LUZP2: variants seen among roughly 807,000 people sequenced by gnomAD.
LUZP2 encodes the protein leucine zipper protein 2.
A neutral mutation model predicts 51.6 loss-of-function variants in LUZP2; 52 were observed. The observed-to-expected ratio is 1.01, with a 90% CI of 0.81 to 1.27. The LOEUF is 1.27. Among genes scored for constraint, LUZP2 ranks in the 50% most tolerant of loss-of-function variants. LUZP2 has a pLI of 0.00. For missense variants in LUZP2, 436 were observed against 395.4 expected (o/e 1.10, Z -0.87); for synonymous variants, 154 against 137.3 (o/e 1.12, Z -0.85).
intron 1 of LUZP2, among the ~76,000 whole-genome samples, chr11:24,690,864 T>A (rs984502693): frequency 3.3e-5 from 5 of 152,046 alleles, no homozygotes; most frequent in Non-Finnish European, 1.5e-5. Flanking sequence ...GAAATAATTT[T>A]TGAAAGATAC....
chr11:24,857,382 T>C (rs1256826240), intron 5 of LUZP2, among the ~76,000 whole-genome samples: 2 of 150,256 alleles, frequency 1.3e-5, no homozygotes. Context: ...GTACTGAGTA[T>C]AGTGTATGAT....
intron 5 of LUZP2, among the ~76,000 whole-genome samples, chr11:24,864,275 G>A (rs1851822359): frequency 1.3e-5 from 2 of 151,862 alleles, no homozygotes; most frequent in African/African-American, 4.8e-5. Flanking sequence ...TTATTGACAT[G>A]GAACAATATT....
At chr11:24,597,423 C>A (rs1243498353) in intron 1 of LUZP2, among the ~76,000 whole-genome samples, 1 of 152,128 alleles carries the variant, frequency 6.6e-6, no homozygotes, top group Non-Finnish European at 1.5e-5. Context: ...TCGTAGTCAG[C>A]GTACAGCCTA....
intron 1 of LUZP2, among the ~76,000 whole-genome samples, chr11:24,537,023 C>T (rs968417808): frequency 2.0e-5 from 3 of 151,788 alleles, no homozygotes; most frequent in Non-Finnish European, 4.4e-5. Flanking sequence ...GTCGAGCAGT[C>T]AGAAACCCAC....
intron 5 of LUZP2, among the ~76,000 whole-genome samples, chr11:24,782,024 G>C (rs1286388739): frequency 1.3e-5 from 2 of 152,036 alleles, no homozygotes; most frequent in Non-Finnish European, 2.9e-5. Flanking sequence ...TGCTGAATGG[G>C]TAGGTGCTGA....
At chr11:24,527,538 T>C (rs531017154) in intron 1 of LUZP2, among the ~76,000 whole-genome samples, 1 of 146,932 alleles carries the variant, frequency 6.8e-6, no homozygotes, top group South Asian at 2.2e-4. Flanking sequence ...CTTTTAGTAT[T>C]GTTAAATAAG....
chr11:25,064,454 T>A (rs1040837038), intron 10 of LUZP2, among the ~76,000 whole-genome samples: 16 of 151,994 alleles, frequency 1.1e-4, no homozygotes, highest in Admixed American at 6.6e-5. Context: ...AACTTCTTTT[T>A]TTAACTATTC....
At chr11:24,505,399 A>G (rs1461529305) in intron 1 of LUZP2, among the ~76,000 whole-genome samples, 1 of 152,138 alleles carries the variant, frequency 6.6e-6, no homozygotes, top group Non-Finnish European at 1.5e-5. Context: ...TTGTTATATG[A>G]ATTTAGAAAT....
intron 9 of LUZP2, among the ~76,000 whole-genome samples, chr11:24,988,638 A>C (rs1856250576): frequency 6.6e-6 from 1 of 152,064 alleles, no homozygotes; most frequent in Non-Finnish European, 1.5e-5. Flanking sequence ...AGTGTTAAAG[A>C]AGACATGATT....
chr11:24,977,144 T>A (rs1855902306), intron 8 of LUZP2, among the ~76,000 whole-genome samples: 1 of 151,754 alleles, frequency 6.6e-6, no homozygotes, highest in African/African-American at 2.4e-5. Context: ...TTTATATTAA[T>A]AATAAATGGA....
chr11:24,744,438 A>T (rs1404860585), intron 4 of LUZP2, among the ~76,000 whole-genome samples: 3 of 151,980 alleles, frequency 2.0e-5, no homozygotes, highest in African/African-American at 7.2e-5. Flanking sequence ...TTAAGCTAGG[A>T]GGGTGGTATT....
chr11:24,869,453 T>C (rs548037060), intron 5 of LUZP2, among the ~76,000 whole-genome samples: 65 of 111,770 alleles, frequency 5.8e-4, no homozygotes, highest in Non-Finnish European at 1.0e-3. Context: ...TTTCCATCAT[T>C]ATTATTATTA....
chr11:24,949,363 G>C (rs1201395399), intron 7 of LUZP2, among the ~76,000 whole-genome samples: 1 of 149,982 alleles, frequency 6.7e-6, no homozygotes, highest in Non-Finnish European at 1.5e-5. Context: ...AAATGATTTA[G>C]ACCTAAATGA....
At chr11:24,582,548 T>C (rs1852904504) in intron 1 of LUZP2, among the ~76,000 whole-genome samples, 1 of 152,102 alleles carries the variant, frequency 6.6e-6, no homozygotes, top group African/African-American at 2.4e-5. Context: ...AAAAATGAAA[T>C]AACTTTTAAG....
rs562034201 is a variant in LUZP2, at chr11:24,953,914, C to A, written c.523-22677C>A. Among the ~76,000 whole-genome samples, 17 of 152,004 alleles carry A rather than the reference C, an allele frequency of 1.1e-4. No individual in the cohort carries two copies. The East Asian group carries it at 3.3e-3, about 29-fold the overall frequency. On this transcript the variant is annotated intron_variant, in intron 7 of 11. Coordinates refer to ENST00000336930, the MANE Select transcript of LUZP2 (RefSeq NM_001009909.4). Reference sequence around the variant, plus strand: ...GTAAATGGATAAATGACAACTATAACAAGTACAGATGGAAGTTAAACATTA... The same window carrying A: ...GTAAATGGATAAATGACAACTATAAAAAGTACAGATGGAAGTTAAACATTA...
intron 9 of LUZP2, among the ~76,000 whole-genome samples, chr11:25,008,973 C>G (rs1856911027): frequency 6.6e-6 from 1 of 152,158 alleles, no homozygotes; most frequent in Non-Finnish European, 1.5e-5. Flanking sequence ...TTTAAATTGT[C>G]TTTGGCTTGA....
chr11:24,829,351 G>T (rs1850630718), intron 5 of LUZP2, among the ~76,000 whole-genome samples: 2 of 152,142 alleles, frequency 1.3e-5, no homozygotes, highest in South Asian at 2.1e-4. Context: ...AAGTGTGCGT[G>T]CATGTACACC....
At chr11:24,964,627 T>C (rs1038107150) in intron 7 of LUZP2, among the ~76,000 whole-genome samples, 1 of 152,108 alleles carries the variant, frequency 6.6e-6, no homozygotes, top group Non-Finnish European at 1.5e-5. Flanking sequence ...CTACAGGGTA[T>C]ATTATACTAT....
At chr11:24,949,745 G>C (rs750107286) in intron 7 of LUZP2, among the ~76,000 whole-genome samples, 2 of 151,630 alleles carry the variant, frequency 1.3e-5, no homozygotes, top group South Asian at 4.1e-4. Flanking sequence ...GTTCGAGTTG[G>C]AGAGTGGATA....
Sources: gnomAD v4.1 joint callset for allele counts (sites outside exome capture counted in the v4.1 genomes callset) on GRCh38, gnomAD v4.1.1 for gene constraint, MANE v1.5 for transcripts, NCBI Gene and HGNC (gene_info 2026-07-23, HGNC 2026-07-21) for gene names.